COL19A1: variants seen among roughly 807,000 people sequenced by gnomAD.
COL19A1 encodes collagen alpha-1(XIX) chain.
A neutral mutation model predicts 190.2 loss-of-function variants in COL19A1; 159 were observed. That is an observed-to-expected ratio of 0.84 (90% confidence interval 0.73 to 0.95). The LOEUF is 0.95. COL19A1 is among the 40% of genes least tolerant of loss of function. COL19A1 has a pLI of 0.00. For synonymous variants in COL19A1, 509 were observed against 458.9 expected (o/e 1.11, Z -1.39); for missense variants, 1,418 against 1,431.9 (o/e 0.99, Z 0.16).
intron 34 of COL19A1, among the ~76,000 whole-genome samples, chr6:70,157,007 T>A (rs1787482012): frequency 6.6e-6 from 1 of 151,990 alleles, no homozygotes; most frequent in Non-Finnish European, 1.5e-5. Context: ...TCTCTCAAAA[T>A]AAAAGTAAGG....
intron 48 of COL19A1, among the ~76,000 whole-genome samples, chr6:70,191,372 C>T (rs886860581): frequency 6.6e-6 from 1 of 152,074 alleles, no homozygotes; most frequent in Non-Finnish European, 1.5e-5. Context: ...CATTTGTGTT[C>T]ATATCTTGTT....
intron 40 of COL19A1, 23 bp downstream of exon 40, chr6:70,168,704 T>C: frequency 1.9e-6 from 3 of 1,612,486 alleles, no homozygotes; most frequent in Middle Eastern, 1.7e-4. Flanking sequence ...CCATGTTTTG[T>C]GTCATTTAGA....
intron 49 of COL19A1, among the ~76,000 whole-genome samples, chr6:70,200,877 A>G (rs1402454403): frequency 6.6e-6 from 1 of 152,228 alleles, no homozygotes; most frequent in East Asian, 1.9e-4. Context: ...TAAAACAGGA[A>G]CAGTTAAAAT....
intron 2 of COL19A1, among the ~76,000 whole-genome samples, chr6:69,885,000 C>A (rs1768817906): frequency 6.6e-6 from 1 of 152,044 alleles, no homozygotes; most frequent in Admixed American, 6.6e-5. Context: ...GTGGATGGGA[C>A]TATAGGCATG....
intron 12 of COL19A1, among the ~76,000 whole-genome samples, chr6:70,024,824 C>A (rs1582711306): frequency 1.3e-5 from 2 of 152,252 alleles, no homozygotes; most frequent in South Asian, 4.1e-4. Context: ...TTCTTTACCA[C>A]CTGTAATACA....
Position 70,165,837 on chromosome 6 carries a change from CA to C in COL19A1, c.2401-103del, listed in dbSNP as rs111720640. ...ACAAGGCTGAAACAACATGGCAAGTCATATCGATTTCAGAAGATGGCTCTGT... is the reference window on the plus strand; with the variant it reads ...ACAAGGCTGAAACAACATGGCAAGTCTATCGATTTCAGAAGATGGCTCTGT... On this transcript the variant is annotated intron_variant, in intron 36 of 50. Transcript: ENST00000620364. 48 of 1,038,190 alleles carry C rather than the reference CA, an allele frequency of 4.6e-5. 1 individual carries two copies. In the African/African-American group the frequency reaches 5.2e-4, roughly 11 times the overall value. 64.3% of individuals were successfully genotyped at this position (1,038,190 alleles called of 1,614,324 possible).
chr6:70,023,038 T>G (rs1229042091), intron 11 of COL19A1, among the ~76,000 whole-genome samples: 1 of 152,168 alleles, frequency 6.6e-6, no homozygotes, highest in African/African-American at 2.4e-5. Flanking sequence ...TTGGTATATA[T>G]TGTCAATCCA....
chr6:70,127,016 C>T (rs1228755821), intron 17 of COL19A1, among the ~76,000 whole-genome samples: 1 of 152,066 alleles, frequency 6.6e-6, no homozygotes, highest in East Asian at 1.9e-4. Context: ...GCTCATTTGC[C>T]CAACAGATAT....
intron 5 of COL19A1, among the ~76,000 whole-genome samples, chr6:69,928,924 T>C (rs1180336970): frequency 6.6e-6 from 1 of 152,152 alleles, no homozygotes; most frequent in East Asian, 1.9e-4. Context: ...ATGTCCTCTA[T>C]AAAATGTGTT....
intron 18 of COL19A1, among the ~76,000 whole-genome samples, chr6:70,132,506 T>C (rs1173396594): frequency 3.9e-5 from 6 of 152,158 alleles, no homozygotes; most frequent in Non-Finnish European, 7.3e-5. Flanking sequence ...ATACATTAGT[T>C]TTTAAAATTA....
intron 11 of COL19A1, among the ~76,000 whole-genome samples, chr6:69,975,947 TTAAA>T (rs141643277): frequency 0.036 from 5,504 of 152,298 alleles, 349 homozygotes; most frequent in African/African-American, 0.12. Context: ...TCTTACTGAA[TTAAA>T]TAAACCAAAC....
chr6:69,919,857 A>G (rs1173090780), intron 4 of COL19A1, among the ~76,000 whole-genome samples: 1 of 152,098 alleles, frequency 6.6e-6, no homozygotes, highest in Non-Finnish European at 1.5e-5. Context: ...TAAAGGCTAT[A>G]GGTTGGGAGT....
intron 46 of COL19A1, among the ~76,000 whole-genome samples, chr6:70,186,231 A>G (rs1010771447): frequency 1.3e-5 from 2 of 152,218 alleles, no homozygotes; most frequent in African/African-American, 2.4e-5. Context: ...AAACATCACT[A>G]CAATGAACAT....
chr6:70,116,379 G>A (rs1183678301), intron 16 of COL19A1, among the ~76,000 whole-genome samples: 10 of 152,174 alleles, frequency 6.6e-5, no homozygotes, highest in Non-Finnish European at 1.2e-4. Flanking sequence ...TTGGGTGCTG[G>A]TGATGGGAGA....
chr6:70,063,592 A>G (rs1286201222), intron 14 of COL19A1, among the ~76,000 whole-genome samples: 1 of 152,198 alleles, frequency 6.6e-6, no homozygotes. Context: ...AAGAGCAAAC[A>G]CATTCAAAAG....
At chr6:70,019,285 T>C (rs1217211072) in intron 11 of COL19A1, among the ~76,000 whole-genome samples, 2 of 152,140 alleles carry the variant, frequency 1.3e-5, no homozygotes, top group East Asian at 3.8e-4. Flanking sequence ...TTAAAAGTCC[T>C]TATTATGTAA....
intron 2 of COL19A1, among the ~76,000 whole-genome samples, chr6:69,891,895 G>T (rs1769375897): frequency 6.6e-6 from 1 of 152,164 alleles, no homozygotes; most frequent in Non-Finnish European, 1.5e-5. Context: ...GGATCCCTAA[G>T]ATCCATTTTT....
chr6:70,099,713 A>C (rs1430589074), intron 15 of COL19A1, among the ~76,000 whole-genome samples: 1 of 152,214 alleles, frequency 6.6e-6, no homozygotes, highest in African/African-American at 2.4e-5. Context: ...TAGAAATTCA[A>C]GCCTAGAAAC....
At chr6:70,048,267 C>G (rs1164664063) in intron 14 of COL19A1, among the ~76,000 whole-genome samples, 2 of 152,064 alleles carry the variant, frequency 1.3e-5, no homozygotes, top group South Asian at 2.1e-4. Flanking sequence ...GCAGATGCCC[C>G]TAATGCACAA....
Sources: allele counts gnomAD v4.1 joint callset (sites outside exome capture counted in the v4.1 genomes callset), GRCh38; gene constraint gnomAD v4.1.1; transcripts MANE v1.5; gene names NCBI Gene and HGNC (gene_info 2026-07-23, HGNC 2026-07-21).